PTPRK: variants seen among roughly 807,000 people sequenced by gnomAD.
PTPRK encodes the protein receptor-type tyrosine-protein phosphatase kappa.
A neutral mutation model predicts 178.0 loss-of-function variants in PTPRK; 75 were observed. That is an observed-to-expected ratio of 0.42 (90% CI 0.35 to 0.51). PTPRK has a LOEUF of 0.51. Among genes scored for constraint, PTPRK ranks in the 20% least tolerant of loss-of-function variants. The pLI is 0.02. For synonymous variants in PTPRK, 637 were observed against 620.6 expected, an observed-to-expected ratio of 1.03 and a Z score of -0.39; for missense variants, 1,441 against 1,797.8, an observed-to-expected ratio of 0.80 and a Z score of 3.59.
intron 3 of PTPRK, among the ~76,000 whole-genome samples, chr6:128,313,695 G>T (rs1417460213): frequency 6.6e-6 from 1 of 152,132 alleles, no homozygotes; most frequent in East Asian, 1.9e-4. Context: ...GGAAACACTG[G>T]CAAAATCTGA....
At chr6:128,426,081 T>A (rs1296440108) in intron 1 of PTPRK, among the ~76,000 whole-genome samples, 1 of 152,320 alleles carries the variant, frequency 6.6e-6, no homozygotes, top group East Asian at 1.9e-4. Flanking sequence ...GTGCATGTTA[T>A]CTCTTGGGAC....
intron 5 of PTPRK, among the ~76,000 whole-genome samples, chr6:128,233,646 C>T (rs1393265650): frequency 1.3e-5 from 2 of 152,226 alleles, no homozygotes; most frequent in Admixed American, 6.5e-5. Context: ...CAATGATGAG[C>T]CTCACCAAGG....
intron 1 of PTPRK, among the ~76,000 whole-genome samples, chr6:128,420,929 G>C (rs1843404111): frequency 6.6e-6 from 1 of 152,092 alleles, no homozygotes; most frequent in African/African-American, 2.4e-5. Flanking sequence ...ATTCAATTTT[G>C]GTATTTGGAA....
intron 7 of PTPRK, among the ~76,000 whole-genome samples, chr6:128,090,483 CATTA>C (rs1172562338): frequency 3.9e-5 from 6 of 152,186 alleles, no homozygotes; most frequent in South Asian, 4.2e-4. Flanking sequence ...TATTAATTAA[CATTA>C]ATTATTTCTA....
rs1261255530 is a variant in PTPRK at position 128,410,968 on chromosome 6, T to TGCA, written c.101-13283_101-13281dup. Among the ~76,000 whole-genome samples the TGCA allele has an allele frequency of 2.6e-5, 4 of 152,342 alleles. No homozygotes were observed. In the East Asian group the frequency reaches 7.7e-4, roughly 29 times the overall value. On this transcript the variant is annotated intron_variant, in intron 1 of 29. Transcript: ENST00000368226. ...GTGCAGTGGCACGATCTTGGCTCAC[T>TGCA]GCAGCCTCAACCTCTGGAGCTCAAG... is the stretch of plus-strand genomic sequence containing the variant.
At chr6:128,022,178 G>A (rs1026205983) in intron 13 of PTPRK, among the ~76,000 whole-genome samples, 3 of 152,180 alleles carry the variant, frequency 2.0e-5, no homozygotes, top group Non-Finnish European at 4.4e-5. Context: ...AGCTAGAGTA[G>A]TTGGTATAAA....
At chr6:128,047,465 G>C (rs578033047) in intron 13 of PTPRK, among the ~76,000 whole-genome samples, 20 of 152,178 alleles carry the variant, frequency 1.3e-4, no homozygotes, top group Non-Finnish European at 2.6e-4. Flanking sequence ...GTATACCTTA[G>C]CTTTTGGAAT....
rs755016251 is a variant in PTPRK at position 127,981,578 on chromosome 6, A to G, written c.3538-289T>C. 3.3e-5 allele frequency among the ~76,000 whole-genome samples: 5 copies of G among 152,288 alleles called. No homozygotes were observed. The East Asian group carries it at 5.8e-4, about 18-fold the overall frequency. The stretch of plus-strand genomic sequence containing the variant: ...CATTGCCTTAACCAAAGAAAATGCA[A>G]TCGGGCAGTCCATTATGATAATGAC... On this transcript the variant is annotated intron_variant, in intron 24 of 29. Transcript: ENST00000368226.
chr6:128,490,800 T>C (rs1015665062), intron 1 of PTPRK, among the ~76,000 whole-genome samples: 2 of 152,356 alleles, frequency 1.3e-5, no homozygotes, highest in East Asian at 1.9e-4. Flanking sequence ...AAGATCAAGA[T>C]ACCAATAAGG....
In PTPRK at chr6:127,989,379, T is replaced by C. The variant is rs1292360144; in HGVS notation, c.3096+1390A>G. 3.4e-5 allele frequency among the ~76,000 whole-genome samples: 4 copies of C among 117,176 alleles called. No individual in the cohort carries two copies. The East Asian group carries it at 1.1e-3, about 31-fold the overall frequency. The allele number at this position is 117,176 out of a possible 152,430, so 76.9% of individuals were successfully genotyped here. On this transcript the variant is annotated intron_variant, in intron 21 of 29. Coordinates refer to ENST00000368226, the MANE Select transcript of PTPRK (RefSeq NM_002844.4). ...ATCATGATTATGTTGTTCTGTATAATGCTATTTCAACTTAATATTTTGCCT... is the reference window on the plus strand; with the variant it reads ...ATCATGATTATGTTGTTCTGTATAACGCTATTTCAACTTAATATTTTGCCT...
At chr6:128,416,363 C>T (rs1333240717) in intron 1 of PTPRK, among the ~76,000 whole-genome samples, 2 of 151,692 alleles carry the variant, frequency 1.3e-5, no homozygotes, top group Non-Finnish European at 2.9e-5. Context: ...GAGAGGTGGC[C>T]GGGCACGGTG....
chr6:128,048,811 T>G (rs965602409), intron 13 of PTPRK, among the ~76,000 whole-genome samples: 2 of 152,190 alleles, frequency 1.3e-5, no homozygotes, highest in Admixed American at 6.5e-5. Flanking sequence ...GATTTTGGTA[T>G]CCTCGGGGTC....
chr6:127,989,952 C>T (rs1333452184), intron 21 of PTPRK, among the ~76,000 whole-genome samples: 1 of 151,952 alleles, frequency 6.6e-6, no homozygotes, highest in Non-Finnish European at 1.5e-5. Context: ...GTGGTCAAAT[C>T]TACCAAGCTT....
rs761792508 is a variant in PTPRK at position 127,996,955 on chromosome 6, C to T, written c.2713G>A (p.Val905Ile). 3.4e-5 allele frequency: 54 copies of T among 1,611,776 alleles called. No individual in the cohort carries two copies. The highest frequency in any genetic ancestry group is 4.6e-5 in the Non-Finnish European group (54 of 1,178,872). Reference protein sequence around the residue: ...FFEGQSASWDVAKKDQNRAKN... With the variant: ...FFEGQSASWDIAKKDQNRAKN... ...GCTCTATTTTGATCTTTTTTAGCTA[C>T]ATCCCAAGATGCTGACTGTCCTTCA... Residue 905 changes from valine to isoleucine, a missense_variant, in exon 17 of 30, where the codon GTA becomes ATA. Physicochemically the swap from Val to Ile is conservative, Grantham distance 29. Around this residue, in one of 4 missense-constraint regions of PTPRK, gnomAD observed 945 missense variants for 1,080.6 expected, o/e 0.87. Coordinates refer to ENST00000368226, the MANE Select transcript of PTPRK (RefSeq NM_002844.4).
At chr6:128,194,045 C>T (rs1042456010) in intron 6 of PTPRK, among the ~76,000 whole-genome samples, 2 of 142,954 alleles carry the variant, frequency 1.4e-5, no homozygotes, top group African/African-American at 2.6e-5. Flanking sequence ...AATGATAAAT[C>T]GCAATAATAT....
intron 1 of PTPRK, among the ~76,000 whole-genome samples, chr6:128,410,377 A>C (rs1208742780): frequency 6.6e-6 from 1 of 152,216 alleles, no homozygotes; most frequent in South Asian, 2.1e-4. Context: ...GTTCACCCTC[A>C]GTCCCCTTTA....
At chr6:128,237,032 A>G (rs927694229) in intron 5 of PTPRK, among the ~76,000 whole-genome samples, 7 of 152,236 alleles carry the variant, frequency 4.6e-5, no homozygotes, top group Non-Finnish European at 8.8e-5. Context: ...TATAACCTAG[A>G]AAGAATACAG....
At chr6:128,510,447 TAATA>T (rs1857006696) in intron 1 of PTPRK, among the ~76,000 whole-genome samples, 1 of 152,232 alleles carries the variant, frequency 6.6e-6, no homozygotes, top group Non-Finnish European at 1.5e-5. Flanking sequence ...CAGATATACA[TAATA>T]AATTTAGGCA....
intron 2 of PTPRK, among the ~76,000 whole-genome samples, chr6:128,395,899 T>C (rs899751993): frequency 4.6e-4 from 70 of 152,288 alleles, no homozygotes; most frequent in African/African-American, 1.6e-3. Flanking sequence ...ATTCATTCTA[T>C]TATAAAAGTA....
Sources: gnomAD v4.1 joint callset for allele counts (sites outside exome capture counted in the v4.1 genomes callset) on GRCh38, gnomAD v4.1.1 for gene constraint, gnomAD v4.1.1 regional missense constraint, MANE v1.5 for transcripts, NCBI Gene and HGNC (gene_info 2026-07-23, HGNC 2026-07-21) for gene names.